PTBP3: variants seen among roughly 807,000 people sequenced by gnomAD.
PTBP3 encodes polypyrimidine tract binding protein 3.
Under a neutral mutation model 58.7 loss-of-function variants are expected in PTBP3, and 20 were observed. The observed-to-expected ratio is 0.34, with a 90% CI of 0.24 to 0.50. PTBP3 has a LOEUF of 0.50. Among genes scored for constraint, PTBP3 ranks in the 20% least tolerant of loss-of-function variants. The pLI is 0.98. For missense variants in PTBP3, 509 were observed against 637.2 expected (o/e 0.80, Z 2.17); for synonymous variants, 185 against 219.8 (o/e 0.84, Z 1.40).
chr9:112,258,135 T>A (rs77038216), intron 5 of PTBP3, among the ~76,000 whole-genome samples: 1 of 152,182 alleles, frequency 6.6e-6, no homozygotes, highest in South Asian at 2.1e-4. Context: ...TTATCTTTAT[T>A]ACAATTCAAA....
the PTBP3 span, among the ~76,000 whole-genome samples, chr9:112,370,387 C>T: frequency 6.6e-6 from 1 of 151,906 alleles, no homozygotes; most frequent in Non-Finnish European, 1.5e-5. Flanking sequence ...ACCAGAAATA[C>T]AAAAAAATAG....
At chr9:112,333,347 GGGGCCGCTCCTCCGGCCGCC>G (rs1830463259) in intron 1 of PTBP3, 103 bp downstream of exon 1, 5 of 1,182,690 alleles carry the variant, frequency 4.2e-6, no homozygotes, top group Non-Finnish European at 4.4e-6. Context: ...GGGCTTGGCC[GGGGCCGCTCCTCCGGCCGCC>G]GGCGCCGCGC....
the PTBP3 span, chr9:112,379,844 AGGCGCCG>A: frequency 2.0e-6 from 1 of 507,054 alleles, no homozygotes; most frequent in Non-Finnish European, 3.5e-6. Context: ...CCCAGACGCT[AGGCGCCG>A]ACAGGAGCCT....
At chr9:112,311,095 A>G (rs1441403401) in intron 1 of PTBP3, among the ~76,000 whole-genome samples, 1 of 152,216 alleles carries the variant, frequency 6.6e-6, no homozygotes, top group African/African-American at 2.4e-5. Context: ...CTGTGTTAAG[A>G]ACAGTCTTTA....
chr9:112,251,120 A>G lies in PTBP3; in HGVS notation c.628-17T>C, dbSNP rs2132075368. ...ATCCAGAGCCTAAAGCATGTAAGAAAGGGACTGGTTTTGGCAAGACAACAA... is the reference window on the plus strand; with the variant it reads ...ATCCAGAGCCTAAAGCATGTAAGAAGGGGACTGGTTTTGGCAAGACAACAA... On this transcript the variant is annotated splice_polypyrimidine_tract_variant and intron_variant, in intron 6 of 13. Coordinates refer to ENST00000374257, the MANE Select transcript of PTBP3 (RefSeq NM_001163788.4). 6.5e-7 allele frequency: 1 copy of G among 1,532,856 alleles called. No individual in the cohort carries two copies. The highest frequency in any genetic ancestry group is 8.8e-7 in the Non-Finnish European group (1 of 1,138,994). 95.0% of individuals were successfully genotyped at this position (1,532,856 alleles called of 1,614,324 possible).
chr9:112,240,324 G>A (rs1235559311), intron 7 of PTBP3, among the ~76,000 whole-genome samples: 1 of 152,104 alleles, frequency 6.6e-6, no homozygotes, highest in African/African-American at 2.4e-5. Flanking sequence ...AATGTGATGA[G>A]TTTTGATATA....
chr9:112,331,070 TAGG>T (rs1830349008), intron 1 of PTBP3, among the ~76,000 whole-genome samples: 2 of 137,854 alleles, frequency 1.5e-5, no homozygotes, highest in East Asian at 2.2e-4. Flanking sequence ...AATTATCTCT[TAGG>T]AGGAAACGAA....
rs566300854 is a variant in PTBP3, at chr9:112,257,814, C to T, written c.516+4621G>A. Among the ~76,000 whole-genome samples, 4 of 152,166 alleles carry T rather than the reference C, an allele frequency of 2.6e-5. No individual in the cohort carries two copies. The South Asian group carries it at 8.3e-4, about 32-fold the overall frequency. On this transcript the variant is annotated intron_variant, in intron 5 of 13. Coordinates refer to ENST00000374257, the MANE Select transcript of PTBP3 (RefSeq NM_001163788.4). ...AATTAGCCAGGTGTGGTGGTGGGCG[C>T]CTGTAATCCCAGCTACTCAGAAGGC...
intron 5 of PTBP3, among the ~76,000 whole-genome samples, chr9:112,255,118 T>C (rs1479537578): frequency 1.3e-5 from 2 of 152,194 alleles, no homozygotes; most frequent in African/African-American, 4.8e-5. Context: ...AAAGCACACA[T>C]ACTGCATAGT....
chr9:112,256,746 C>A (rs1439226169), intron 5 of PTBP3, among the ~76,000 whole-genome samples: 1 of 152,074 alleles, frequency 6.6e-6, no homozygotes, highest in Non-Finnish European at 1.5e-5. Context: ...TGGTCTCAAA[C>A]TCCTGACCTC....
intron 10 of PTBP3, 135 bp downstream of exon 10, chr9:112,231,241 CTAAG>C: frequency 1.8e-6 from 1 of 554,874 alleles, no homozygotes. Flanking sequence ...TAATTACTTA[CTAAG>C]TCTTATTCAC....
At chr9:112,345,780 A>G in the PTBP3 span, among the ~76,000 whole-genome samples, 2 of 152,222 alleles carry the variant, frequency 1.3e-5, no homozygotes, top group Admixed American at 6.5e-5. Context: ...GCTCTATCTA[A>G]TATTAAAATT....
At chr9:112,352,256 A>G in the PTBP3 span, among the ~76,000 whole-genome samples, 1 of 152,130 alleles carries the variant, frequency 6.6e-6, no homozygotes, top group Non-Finnish European at 1.5e-5. Flanking sequence ...TTGAAAGTAA[A>G]ATCTAGGTAC....
At chr9:112,226,029 G>A (rs911172387) in intron 12 of PTBP3, among the ~76,000 whole-genome samples, 2 of 152,014 alleles carry the variant, frequency 1.3e-5, no homozygotes, top group African/African-American at 4.8e-5. Context: ...GGGCAACAGA[G>A]GGAGACCCTG....
chr9:112,252,633 C>T (rs779923212), intron 6 of PTBP3, 45 bp downstream of exon 6: 1 of 1,383,770 alleles, frequency 7.2e-7, no homozygotes, highest in Non-Finnish European at 1.0e-6. Context: ...GAAGGTATCA[C>T]TGGAGTGATT....
intron 3 of PTBP3, among the ~76,000 whole-genome samples, chr9:112,269,539 G>A (rs1654572895): frequency 6.6e-6 from 1 of 152,082 alleles, no homozygotes; most frequent in Non-Finnish European, 1.5e-5. Flanking sequence ...TGGTAGAAAG[G>A]GAACTTGATT....
the PTBP3 span, among the ~76,000 whole-genome samples, chr9:112,352,214 C>A: frequency 6.6e-6 from 1 of 152,132 alleles, no homozygotes; most frequent in Non-Finnish European, 1.5e-5. Flanking sequence ...GCCACTGTAC[C>A]CTGCCTGGTT....
intron 2 of PTBP3, among the ~76,000 whole-genome samples, chr9:112,286,485 A>ACAAT (rs1261274294): frequency 2.6e-5 from 4 of 152,074 alleles, no homozygotes; most frequent in African/African-American, 9.7e-5. Flanking sequence ...TGTGGAGTAG[A>ACAAT]CAATATACAT....
At chr9:112,245,061 C>T (rs987654620) in intron 7 of PTBP3, among the ~76,000 whole-genome samples, 1 of 152,174 alleles carries the variant, frequency 6.6e-6, no homozygotes, top group South Asian at 2.1e-4. Flanking sequence ...GTAATCCCAG[C>T]ACTTTGGGAG....
Sources: allele counts gnomAD v4.1 joint callset (sites outside exome capture counted in the v4.1 genomes callset), GRCh38; gene constraint gnomAD v4.1.1; transcripts MANE v1.5; gene names NCBI Gene and HGNC (gene_info 2026-07-23, HGNC 2026-07-21).